BCAR3: variants seen among roughly 807,000 people sequenced by gnomAD.
The protein encoded by BCAR3 is BCAR3 adaptor protein, NSP family member.
Under a neutral mutation model 80.1 loss-of-function variants are expected in BCAR3, and 37 were observed. The observed-to-expected ratio is 0.46, with a 90% confidence interval of 0.36 to 0.61. The LOEUF is 0.61. Ranked by LOEUF, BCAR3 falls within the 20% of genes least tolerant of loss-of-function variation. BCAR3 has a pLI of 0.00. For missense variants in BCAR3, 978 were observed against 1,068.2 expected, an observed-to-expected ratio of 0.92 and a Z score of 1.18; for synonymous variants, 389 against 418.9, an observed-to-expected ratio of 0.93 and a Z score of 0.87.
chr1:93,673,781 T>G (rs928702874), intron 2 of BCAR3, among the ~76,000 whole-genome samples: 3 of 152,200 alleles, frequency 2.0e-5, no homozygotes, highest in Non-Finnish European at 4.4e-5. Context: ...TGCTGGTGCA[T>G]CCACATAAAA....
At chr1:93,674,278 C>T (rs1462067415) in intron 2 of BCAR3, among the ~76,000 whole-genome samples, 10 of 152,136 alleles carry the variant, frequency 6.6e-5, no homozygotes, top group South Asian at 4.1e-4. Flanking sequence ...ATAAAAACTT[C>T]GGAGTCTCAC....
chr1:93,689,016 T>G (rs771144804), intron 3 of BCAR3, among the ~76,000 whole-genome samples: 18 of 152,158 alleles, frequency 1.2e-4, no homozygotes, highest in Non-Finnish European at 1.9e-4. Context: ...AACAAAGTTT[T>G]AAAAATTCAT....
chr1:93,582,219 C>CA lies in BCAR3; in HGVS notation c.1686+81dup, dbSNP rs1673735114. On this transcript the variant is annotated intron_variant, in intron 7 of 11. Coordinates refer to ENST00000260502, the MANE Select transcript of BCAR3 (RefSeq NM_003567.4). ...GATGGATCCCCTCCTTCCAAACCTA[C>CA]AAAAGCCAGAGGAGCACCGGGACCC... 2.7e-5 allele frequency: 41 copies of CA among 1,512,256 alleles called. 1 individual carries two copies. In the Middle Eastern group the frequency reaches 1.6e-3, roughly 58 times the overall value. The allele number at this position is 1,512,256 out of a possible 1,614,324, so 93.7% of individuals were successfully genotyped here. A position where few individuals can be genotyped will look rare whatever the true frequency, so the allele number is the denominator to read the frequency against.
chr1:93,587,021 T>G (rs948772274), intron 5 of BCAR3, among the ~76,000 whole-genome samples: 2 of 152,178 alleles, frequency 1.3e-5, no homozygotes, highest in Admixed American at 1.3e-4. Context: ...GTAATCCACC[T>G]GCCTCGGCCT....
At chr1:93,618,071 A>C (rs961110069) in intron 3 of BCAR3, among the ~76,000 whole-genome samples, 2 of 152,250 alleles carry the variant, frequency 1.3e-5, no homozygotes, top group African/African-American at 2.4e-5. Flanking sequence ...TTTGTGCAAA[A>C]GGTCAGCTCC....
At position 93,571,785 on chromosome 1, in the gene BCAR3, A is replaced by G. The variant is rs1189546810; in HGVS notation, c.1859T>C (p.Leu620Ser). 2 of 1,614,168 alleles carry G rather than the reference A, an allele frequency of 1.2e-6. No homozygotes were observed. The highest frequency in any genetic ancestry group is 1.7e-6 in the Non-Finnish European group (2 of 1,180,020). Reference sequence around the variant, plus strand: ...ACTCAGAGTGGCCGCTCGGTCCTCCAAAGTGCCCGTGCATCCCAGAATGTC... The same window carrying G: ...ACTCAGAGTGGCCGCTCGGTCCTCCGAAGTGCCCGTGCATCCCAGAATGTC... ...AVDILGCTGT[L>S]EDRAATLSKI... The change falls in exon 9 of 12, where the codon TTG becomes TCG. Residue 620 changes from leucine to serine, a missense_variant. Coordinates refer to ENST00000260502, the MANE Select transcript of BCAR3 (RefSeq NM_003567.4).
chr1:93,770,926 G>A (rs145963032), intron 2 of BCAR3, among the ~76,000 whole-genome samples: 21 of 152,130 alleles, frequency 1.4e-4, no homozygotes, highest in Non-Finnish European at 2.6e-4. Context: ...ACCCAGTCCC[G>A]GCTCTCAGTG....
intron 11 of BCAR3, among the ~76,000 whole-genome samples, chr1:93,566,299 T>TAACA (rs1012069607): frequency 6.6e-5 from 10 of 152,114 alleles, no homozygotes; most frequent in African/African-American, 2.4e-4. Flanking sequence ...TTTTGTCCTT[T>TAACA]AACAATCAAT....
At chr1:93,735,985 C>A (rs573438294) in intron 2 of BCAR3, among the ~76,000 whole-genome samples, 9 of 152,298 alleles carry the variant, frequency 5.9e-5, no homozygotes, top group African/African-American at 2.2e-4. Flanking sequence ...GAATGCAAAA[C>A]AATCCAGCCA....
intron 3 of BCAR3, among the ~76,000 whole-genome samples, chr1:93,607,314 G>A (rs1287989305): frequency 4.6e-5 from 7 of 152,166 alleles, no homozygotes; most frequent in Non-Finnish European, 7.3e-5. Flanking sequence ...GCATGGAAAC[G>A]AGGAGGGTTT....
Position 93,674,879 on chromosome 1 carries a change from G to A in BCAR3, c.52C>T (p.Gln18Ter). 6.3e-7 allele frequency: 1 copy of A among 1,577,584 alleles called. No individual in the cohort carries two copies. The highest frequency in any genetic ancestry group is 1.2e-5 in the South Asian group (1 of 85,186). ...SLPRNMPVNHQFPLASSMDLL... is the reference protein window; with the variant it reads ...SLPRNMPVNH ...TCCATGGATGAGGCCAGGGGGAACT[G>A]GTGATTCACCGGCATGTTTCTGGGA... The change falls in exon 2 of 12, where the codon CAG (glutamine) becomes TAG (stop). Residue 18 changes from glutamine to a stop codon, truncating the protein, a stop_gained. Transcript: ENST00000260502. LOFTEE classifies it high-confidence loss of function.
At chr1:93,815,384 G>A (rs908310646) in intron 2 of BCAR3, among the ~76,000 whole-genome samples, 3 of 152,174 alleles carry the variant, frequency 2.0e-5, no homozygotes, top group East Asian at 1.9e-4. Context: ...AACATGATTA[G>A]TTGTTTCTTT....
At chr1:93,613,268 T>A (rs1675008537) in intron 3 of BCAR3, among the ~76,000 whole-genome samples, 1 of 152,236 alleles carries the variant, frequency 6.6e-6, no homozygotes. Context: ...GGAGGTTCTC[T>A]GAATATTTTC....
intron 2 of BCAR3, among the ~76,000 whole-genome samples, chr1:93,759,958 C>T (rs1263676214): frequency 6.6e-6 from 1 of 152,138 alleles, no homozygotes; most frequent in Non-Finnish European, 1.5e-5. Context: ...CCTTGGGCCA[C>T]AGTGAAAGGT....
upstream of BCAR3, among the ~76,000 whole-genome samples, chr1:93,683,088 A>T (rs181318042): frequency 2.6e-5 from 4 of 152,338 alleles, no homozygotes; most frequent in East Asian, 7.7e-4. Context: ...TGCAACACAT[A>T]CATCCAAAAA....
intron 3 of BCAR3, among the ~76,000 whole-genome samples, chr1:93,692,667 G>A (rs1011324155): frequency 6.6e-6 from 1 of 152,196 alleles, no homozygotes; most frequent in Non-Finnish European, 1.5e-5. Context: ...CTGGGATGTG[G>A]AGCTCCCTAA....
intron 2 of BCAR3, among the ~76,000 whole-genome samples, chr1:93,738,671 G>A (rs1262298728): frequency 6.6e-6 from 1 of 152,210 alleles, no homozygotes; most frequent in East Asian, 1.9e-4. Context: ...GTCCAAGGAA[G>A]CCTGGTGGGA....
At chr1:93,585,279 G>T in intron 5 of BCAR3, 1 of 870,862 alleles carries the variant, frequency 1.1e-6, no homozygotes, top group Non-Finnish European at 1.4e-6. Flanking sequence ...AGCCACTGAA[G>T]GACACTGGGG....
At chr1:93,712,778 C>T (rs1414956036) in intron 2 of BCAR3, among the ~76,000 whole-genome samples, 3 of 152,218 alleles carry the variant, frequency 2.0e-5, no homozygotes, top group Non-Finnish European at 4.4e-5. Context: ...CAAGAGTTCA[C>T]ATAACCTCTT....
Sources: gnomAD v4.1 joint callset for allele counts (sites outside exome capture counted in the v4.1 genomes callset) on GRCh38, gnomAD v4.1.1 for gene constraint, MANE v1.5 for transcripts, NCBI Gene and HGNC (gene_info 2026-07-23, HGNC 2026-07-21) for gene names.